Variants in P2RX1 observed in about 807,000 individuals in gnomAD.
The protein encoded by P2RX1 is purinergic receptor P2X 1.
A neutral mutation model predicts 50.3 loss-of-function variants in P2RX1; 42 were observed. The observed-to-expected ratio is 0.83, with a 90% confidence interval of 0.65 to 1.08. P2RX1 has a LOEUF of 1.08. Among genes scored for constraint, P2RX1 ranks in the 50% least tolerant of loss-of-function variants. The pLI is 0.00. For synonymous variants in P2RX1, 199 were observed against 202.6 expected (o/e 0.98, Z 0.15); for missense variants, 449 against 529.0 (o/e 0.85, Z 1.48).
rs200385031 is a variant in P2RX1 at position 3,898,986 on chromosome 17, C to T, written c.914G>A (p.Arg305His). 1.2e-4 allele frequency: 186 copies of T among 1,613,390 alleles called. No homozygotes were observed. In the Admixed American group the frequency reaches 1.2e-3, roughly 10 times the overall value. Reference protein sequence around the residue: ...RHFVENGTNYRHLFKVFGIRF... With the variant: ...RHFVENGTNYHHLFKVFGIRF... ...AATCCCAAACACCTTGAAGAGGTGA[C>T]GGTAGTTGGTCCCGTTCTCCACAAA... Residue 305 changes from arginine to histidine, a missense_variant, in exon 9 of 12, where the codon CGT becomes CAT. Arg to His is a conservative substitution (Grantham distance 29). Transcript: ENST00000225538.
At chr17:3,908,214 G>A (rs984281786) in intron 1 of P2RX1, among the ~76,000 whole-genome samples, 42 of 152,292 alleles carry the variant, frequency 2.8e-4, no homozygotes, top group African/African-American at 9.6e-4. Context: ...TCTTGAGGTC[G>A]AAGGGAAAGG....
chr17:3,913,091 G>C (rs2056391927), intron 1 of P2RX1, among the ~76,000 whole-genome samples: 2 of 151,644 alleles, frequency 1.3e-5, no homozygotes, highest in African/African-American at 4.9e-5. Context: ...CAGGGACAGA[G>C]AGCTCATCAG....
rs200825413 is a variant in P2RX1 at position 3,897,985 on chromosome 17, G to A, written c.1134+24C>T. 7 of 1,611,932 alleles carry A rather than the reference G, an allele frequency of 4.3e-6. No homozygotes were observed. In the East Asian group the frequency reaches 1.1e-4, roughly 26 times the overall value. On this transcript the variant is annotated intron_variant, in intron 11 of 11. Transcript: ENST00000225538. The stretch of plus-strand genomic sequence containing the variant: ...CACAAGCGCCGGAGGCCTTCGAAGG[G>A]CCTGGCTCGGGGGGTTCTCTTACCG...
rs711173 is a variant in P2RX1, at chr17:3,897,701, T to C, written c.*113A>G. On this transcript the variant is annotated 3_prime_UTR_variant, in exon 12 of 12. Transcript: ENST00000225538. ...AGCTTCTGGCAAACTGCTCTCTGCC[T>C]GGCTGAGAGGGTAGGAGACTTCCTG... 0.32 allele frequency: 304,442 copies of C among 940,942 alleles called. 53,472 individuals are homozygous for C. Among genetic ancestry groups the C allele is most frequent in the Non-Finnish European group, 0.38 (228,233 of 600,446 alleles). The allele number at this position is 940,942 out of a possible 1,614,324, so 58.3% of individuals were successfully genotyped here. A position where few individuals can be genotyped will look rare whatever the true frequency, so the allele number is the denominator to read the frequency against.
chr17:3,914,302 C>T lies in P2RX1; in HGVS notation c.137+1787G>A, dbSNP rs932552503. On this transcript the variant is annotated intron_variant, in intron 1 of 11. Transcript: ENST00000225538. The surrounding 1 kb of genome is among the most constrained non-coding windows in gnomAD (Gnocchi z 4.1). ...CCACAGACACCGAGAAGGGCCACAT[C>T]CATTTGGAAACTGATTAGACAGTCT... Among the ~76,000 whole-genome samples the T allele has an allele frequency of 6.6e-6, 1 of 151,796 alleles. No homozygotes were observed. Among genetic ancestry groups the T allele is most frequent in the Non-Finnish European group, 1.5e-5 (1 of 67,970 alleles).
At position 3,903,665 on chromosome 17, in the gene P2RX1, C is replaced by T; in HGVS notation, c.525-34G>A. 1.2e-6 allele frequency: 2 copies of T among 1,601,178 alleles called. No individual in the cohort carries two copies. Among genetic ancestry groups the T allele is most frequent in the East Asian group, 2.2e-5 (1 of 44,820 alleles). ...CACCACACGCACTCACCGCCCCTCC[C>T]CAGGAGGCCCCCTGTGTGTCCCACA... On this transcript the variant is annotated intron_variant, in intron 5 of 11. Coordinates refer to ENST00000225538, the MANE Select transcript of P2RX1 (RefSeq NM_002558.4). The surrounding 1 kb of genome is among the most constrained non-coding windows in gnomAD (Gnocchi z 4.6).
At chr17:3,908,840 C>T (rs896200202) in intron 1 of P2RX1, among the ~76,000 whole-genome samples, 2 of 152,232 alleles carry the variant, frequency 1.3e-5, no homozygotes, top group Non-Finnish European at 2.9e-5. Context: ...AGCCCTGCTG[C>T]TCCCCAGCTG....
intron 3 of P2RX1, 43 bp from the exon 4 acceptor site, chr17:3,904,442 G>A (rs775581249): frequency 6.3e-7 from 1 of 1,575,048 alleles, no homozygotes; most frequent in African/African-American, 1.3e-5. Context: ...CCTTGGGTGG[G>A]GTCCTGAGAA....
chr17:3,909,821 C>T (rs1267263820), intron 1 of P2RX1, among the ~76,000 whole-genome samples: 3 of 152,300 alleles, frequency 2.0e-5, no homozygotes, highest in Non-Finnish European at 2.9e-5. Context: ...CCTCAAATGA[C>T]GATGGGGCTA....
intron 7 of P2RX1, among the ~76,000 whole-genome samples, chr17:3,900,197 A>G (rs539742968): frequency 6.6e-5 from 10 of 152,294 alleles, no homozygotes; most frequent in African/African-American, 1.9e-4. Flanking sequence ...TCGCACCTGT[A>G]ATCCCAGCAT....
At position 3,914,008 on chromosome 17, in the gene P2RX1, G is replaced by GC; in HGVS notation, c.137+2080dup. ...GAGGTCAGTGCAGTACTGAGCAGTGGCCAGACGAGGGCGCAAGAGACAGCA... is the reference window on the plus strand; with the variant it reads ...GAGGTCAGTGCAGTACTGAGCAGTGGCCCAGACGAGGGCGCAAGAGACAGCA... On this transcript the variant is annotated intron_variant, in intron 1 of 11. Transcript: ENST00000225538. This position sits in a 1 kb window ranked among gnomAD's most constrained non-coding sequence, Gnocchi z 4.1. Among the ~76,000 whole-genome samples the GC allele has an allele frequency of 6.6e-6, 1 of 152,210 alleles. No individual in the cohort carries two copies. The highest frequency in any genetic ancestry group is 1.5e-5 in the Non-Finnish European group (1 of 68,040).
chr17:3,899,548 C>A, intron 8 of P2RX1, 86 bp downstream of exon 8: 2 of 1,570,472 alleles, frequency 1.3e-6, no homozygotes, highest in Non-Finnish European at 1.7e-6. Flanking sequence ...CCTCTGGGGA[C>A]ACTTTCTCAG....
chr17:3,901,581 A>C (rs565080380), intron 7 of P2RX1, among the ~76,000 whole-genome samples: 1 of 152,308 alleles, frequency 6.6e-6, no homozygotes, highest in Admixed American at 6.5e-5. Flanking sequence ...AGCTGAAAAT[A>C]GTTACTATCT....
At chr17:3,900,075 T>G (rs1360911398) in intron 7 of P2RX1, among the ~76,000 whole-genome samples, 1 of 151,644 alleles carries the variant, frequency 6.6e-6, no homozygotes, top group African/African-American at 2.4e-5. Flanking sequence ...CACTCTAGCC[T>G]GGGTGCAGAG....
At position 3,916,298 on chromosome 17, in the gene P2RX1, C is replaced by T; in HGVS notation, c.-73G>A. On this transcript the variant is annotated 5_prime_UTR_variant, in exon 1 of 12. The change creates a new upstream start codon in the 5' untranslated region. Transcript: ENST00000225538. The stretch of plus-strand genomic sequence containing the variant: ...TCTCAGGGTGAGCCGGGTGCCACCA[C>T]CCACGTCGATGGTAGAGCTTCTGGG... 6.5e-7 allele frequency: 1 copy of T among 1,539,676 alleles called. No homozygotes were observed. Among genetic ancestry groups the T allele is most frequent in the South Asian group, 1.2e-5 (1 of 86,530 alleles).
At chr17:3,904,977 G>A in intron 2 of P2RX1, 48 bp from the exon 3 acceptor site, 1 of 1,292,698 alleles carries the variant, frequency 7.7e-7, no homozygotes, top group Non-Finnish European at 1.1e-6. Flanking sequence ...GGAGCTGGGA[G>A]AAGAGCCCCA....
chr17:3,909,400 T>G (rs79766827), intron 1 of P2RX1, among the ~76,000 whole-genome samples: 4,144 of 152,228 alleles, frequency 0.027, 199 homozygotes, highest in African/African-American at 0.094. Flanking sequence ...AACCTCCCAT[T>G]TTCACTGTTC....
rs150456468 is a variant in P2RX1 at position 3,915,959 on chromosome 17, C to G, written c.137+130G>C. 1,350 of 1,103,352 alleles carry G rather than the reference C, an allele frequency of 1.2e-3. 12 individuals are homozygous for G. In the African/African-American group the frequency reaches 0.018, roughly 15 times the overall value. The allele number at this position is 1,103,352 out of a possible 1,614,324, so 68.3% of individuals were successfully genotyped here. A position where few individuals can be genotyped will look rare whatever the true frequency, so the allele number is the denominator to read the frequency against. On this transcript the variant is annotated intron_variant, in intron 1 of 11. Transcript: ENST00000225538. ...AGGATTTTCTATTCTCGCACAGTGGCTTGCCAGGAAGGCCTTCCCCTGGAT... is the reference window on the plus strand; with the variant it reads ...AGGATTTTCTATTCTCGCACAGTGGGTTGCCAGGAAGGCCTTCCCCTGGAT...
At position 3,903,903 on chromosome 17, in the gene P2RX1, GCT is replaced by G; in HGVS notation, c.524+23_524+24del. On this transcript the variant is annotated intron_variant, in intron 5 of 11. Coordinates refer to ENST00000225538, the MANE Select transcript of P2RX1 (RefSeq NM_002558.4). The surrounding 1 kb of genome is among the most constrained non-coding windows in gnomAD (Gnocchi z 4.6). ...TGTCTGGCCTGGGACCCTGTTCTTA[GCT>G]CTCTGGAAGGTCAGAGTGTTACCGC... 1 of 1,581,472 alleles carries G rather than the reference GCT, an allele frequency of 6.3e-7. No homozygotes were observed. The highest frequency in any genetic ancestry group is 8.7e-7 in the Non-Finnish European group (1 of 1,150,140).
Sources: allele counts gnomAD v4.1 joint callset (sites outside exome capture counted in the v4.1 genomes callset), GRCh38; gene constraint gnomAD v4.1.1; non-coding constraint Gnocchi (gnomAD v3.1); transcripts MANE v1.5; gene names NCBI Gene and HGNC (gene_info 2026-07-23, HGNC 2026-07-21).